STK32B: variants seen among roughly 807,000 people sequenced by gnomAD.
The protein encoded by STK32B is serine/threonine-protein kinase 32B.
STK32B carries 43 observed loss-of-function variants against 52.6 expected under a neutral mutation model. The ratio of observed to expected loss-of-function variants is 0.82; its 90% confidence interval spans 0.64 to 1.05. The LOEUF is 1.05. Ranked by LOEUF, STK32B falls within the 50% of genes least tolerant of loss-of-function variation. The pLI is 0.00. For synonymous variants in STK32B, 238 were observed against 204.3 expected (o/e 1.17, Z -1.41); for missense variants, 621 against 534.6 (o/e 1.16, Z -1.59).
At chr4:5,474,165 C>G (rs1171140349) in intron 11 of STK32B, among the ~76,000 whole-genome samples, 1 of 152,158 alleles carries the variant, frequency 6.6e-6, no homozygotes, top group Non-Finnish European at 1.5e-5. Flanking sequence ...CTTAGGTGGC[C>G]TCCCTGGAGA....
chr4:5,382,234 C>T (rs1339573665), intron 4 of STK32B, among the ~76,000 whole-genome samples: 1 of 152,268 alleles, frequency 6.6e-6, no homozygotes, highest in South Asian at 2.1e-4. Flanking sequence ...GCCCTGTCAA[C>T]GTTAACTCAT....
chr4:5,139,124 G>T (rs1381790296), intron 1 of STK32B, among the ~76,000 whole-genome samples: 1 of 152,166 alleles, frequency 6.6e-6, no homozygotes, highest in Non-Finnish European at 1.5e-5. Context: ...TGGCCATAGG[G>T]GTAGACAGGT....
At chr4:5,458,240 A>T (rs1374597414) in intron 8 of STK32B, among the ~76,000 whole-genome samples, 1 of 152,164 alleles carries the variant, frequency 6.6e-6, no homozygotes, top group Non-Finnish European at 1.5e-5. Context: ...CCTGCCTTTA[A>T]GGCTCCCTTC....
chr4:5,028,277 C>A, the STK32B span, among the ~76,000 whole-genome samples: 2 of 152,148 alleles, frequency 1.3e-5, no homozygotes, highest in Admixed American at 1.3e-4. Context: ...ACAGGAGTAG[C>A]TGGGACTACA....
intron 3 of STK32B, among the ~76,000 whole-genome samples, chr4:5,206,542 G>C (rs1037078134): frequency 6.6e-6 from 1 of 152,142 alleles, no homozygotes; most frequent in African/African-American, 2.4e-5. Context: ...CTCAGTAGTG[G>C]TGGCTGCTGG....
At chr4:5,180,834 C>G (rs1452149703) in intron 3 of STK32B, among the ~76,000 whole-genome samples, 1 of 152,184 alleles carries the variant, frequency 6.6e-6, no homozygotes, top group Non-Finnish European at 1.5e-5. Flanking sequence ...CAATTTTTGC[C>G]TCTAAAGAAC....
chr4:5,486,234 C>A (rs1278305523), intron 11 of STK32B, among the ~76,000 whole-genome samples: 1 of 152,178 alleles, frequency 6.6e-6, no homozygotes, highest in Non-Finnish European at 1.5e-5. Context: ...GTGGGCTCCA[C>A]CCAGTTCGAG....
intron 1 of STK32B, among the ~76,000 whole-genome samples, chr4:5,112,597 A>G (rs1174146367): frequency 6.6e-6 from 1 of 152,168 alleles, no homozygotes; most frequent in African/African-American, 2.4e-5. Flanking sequence ...CAGTCTGCCA[A>G]TTCAAATGTT....
chr4:5,249,509 C>CCCTCCCTCCCTTCCTTCCTT, intron 3 of STK32B, among the ~76,000 whole-genome samples: 1 of 136,516 alleles, frequency 7.3e-6, no homozygotes, highest in South Asian at 2.3e-4. Flanking sequence ...CTTCCTCCCT[C>CCCTCCCTCCCTTCCTTCCTT]CCTTCCTTTA....
intron 3 of STK32B, among the ~76,000 whole-genome samples, chr4:5,180,779 C>T (rs1720290784): frequency 6.6e-6 from 1 of 152,150 alleles, no homozygotes; most frequent in Admixed American, 6.5e-5. Flanking sequence ...CTGACGTGCT[C>T]TACAACTGGT....
the STK32B span, among the ~76,000 whole-genome samples, chr4:5,037,670 G>A: frequency 1.8e-4 from 27 of 152,284 alleles, no homozygotes; most frequent in African/African-American, 4.8e-4. Context: ...CCTCTTTCCC[G>A]TCTGTGTTAA....
upstream of STK32B, among the ~76,000 whole-genome samples, chr4:5,049,523 AG>A (rs1016640576): frequency 2.6e-5 from 4 of 152,120 alleles, no homozygotes; most frequent in African/African-American, 9.7e-5. Context: ...TTAAAGTCAA[AG>A]GGGTTCTCTG....
intron 6 of STK32B, chr4:5,426,845 A>G (rs1042973598): frequency 4.6e-5 from 7 of 151,918 alleles, no homozygotes; most frequent in Non-Finnish European, 1.0e-4. Context: ...TTGTCTTTCT[A>G]TTATCTTAAA....
chr4:5,242,873 A>T (rs185236065), intron 3 of STK32B, among the ~76,000 whole-genome samples: 6 of 152,326 alleles, frequency 3.9e-5, no homozygotes, highest in South Asian at 4.1e-4. Context: ...GGTTTGTCAA[A>T]GATCAGATGG....
intron 3 of STK32B, among the ~76,000 whole-genome samples, chr4:5,292,392 T>G (rs1267173866): frequency 1.3e-5 from 2 of 152,104 alleles, no homozygotes; most frequent in Non-Finnish European, 2.9e-5. Context: ...CTCTGATGAT[T>G]AGTGACATTG....
At chr4:5,334,754 G>T (rs1224934538) in intron 4 of STK32B, among the ~76,000 whole-genome samples, 1 of 151,454 alleles carries the variant, frequency 6.6e-6, no homozygotes, top group Non-Finnish European at 1.5e-5. Flanking sequence ...TTTGTCTTTG[G>T]TTCTGTTTAT....
chr4:5,214,600 A>C (rs1321633151), intron 3 of STK32B, among the ~76,000 whole-genome samples: 1 of 152,154 alleles, frequency 6.6e-6, no homozygotes, highest in Non-Finnish European at 1.5e-5. Flanking sequence ...CCAACCCTGC[A>C]CTACACACAC....
At chr4:5,135,190 A>G (rs149063108) in intron 1 of STK32B, among the ~76,000 whole-genome samples, 8 of 152,380 alleles carry the variant, frequency 5.3e-5, no homozygotes, top group East Asian at 1.9e-4. Flanking sequence ...AATAATATTC[A>G]TAGCAATACC....
chr4:5,292,960 G>C (rs1470356140), intron 3 of STK32B, among the ~76,000 whole-genome samples: 1 of 151,952 alleles, frequency 6.6e-6, no homozygotes, highest in African/African-American at 2.4e-5. Flanking sequence ...CTCCCTGACA[G>C]GCCCTGGTGT....
Sources: allele counts gnomAD v4.1 joint callset (sites outside exome capture counted in the v4.1 genomes callset), GRCh38; gene constraint gnomAD v4.1.1; transcripts MANE v1.5; gene names NCBI Gene and HGNC (gene_info 2026-07-23, HGNC 2026-07-21).